ZNF680: variants seen among roughly 807,000 people sequenced by gnomAD.
ZNF680 encodes the protein hypothetical protein FLJ90430.
In ZNF680, 6 loss-of-function variants were observed where a neutral mutation model predicts 12.1. The ratio of observed to expected loss-of-function variants is 0.49; its 90% CI spans 0.27 to 0.98. ZNF680 has a LOEUF of 0.98. ZNF680 is among the 50% of genes least tolerant of loss of function. ZNF680 has a pLI of 0.12. For missense variants in ZNF680, 561 were observed against 616.3 expected (o/e 0.91, Z 0.95); for synonymous variants, 170 against 199.3 (o/e 0.85, Z 1.24).
At chr7:64,525,352 T>C (rs533768811) in intron 3 of ZNF680, 2 of 151,742 alleles carry the variant, frequency 1.3e-5, no homozygotes, top group Non-Finnish European at 2.9e-5. Context: ...GTAGATATAA[T>C]CTAAAATACA....
the ZNF680 span, among the ~76,000 whole-genome samples, chr7:64,507,357 G>A: frequency 6.6e-5 from 10 of 152,226 alleles, no homozygotes; most frequent in Admixed American, 6.5e-4. Flanking sequence ...TAGGTTTTGA[G>A]ATCTATTGCA....
chr7:64,501,453 G>A, the ZNF680 span: 2 of 921,736 alleles, frequency 2.2e-6, no homozygotes, highest in Non-Finnish European at 1.8e-6. Context: ...ATTCACCCCT[G>A]GAAAACCTGG....
intron 1 of ZNF680, among the ~76,000 whole-genome samples, chr7:64,560,146 C>G (rs12534080): frequency 0.027 from 3,815 of 143,488 alleles, 99 homozygotes; most frequent in Middle Eastern, 0.064. Context: ...TGAAGTTTCA[C>G]TCTTTCGCCC....
At chr7:64,518,354 T>C (rs532419276), downstream of ZNF680, among the ~76,000 whole-genome samples, 4 of 151,802 alleles carry the variant, frequency 2.6e-5, no homozygotes, top group South Asian at 2.1e-4. Flanking sequence ...CTTAAAAATA[T>C]ACCTAAACAA....
intron 3 of ZNF680, among the ~76,000 whole-genome samples, chr7:64,533,394 C>A (rs1785989797): frequency 6.6e-6 from 1 of 152,076 alleles, no homozygotes; most frequent in South Asian, 2.1e-4. Context: ...AGAATCAAAT[C>A]AAGAACTCAA....
chr7:64,538,197 G>A (rs935255173), intron 3 of ZNF680, among the ~76,000 whole-genome samples: 6 of 152,052 alleles, frequency 3.9e-5, no homozygotes, highest in African/African-American at 1.4e-4. Flanking sequence ...AAAAAAACAT[G>A]ACATTGGTAT....
chr7:64,559,977 A>G (rs562618019), intron 1 of ZNF680, among the ~76,000 whole-genome samples: 3 of 152,308 alleles, frequency 2.0e-5, no homozygotes, highest in African/African-American at 4.8e-5. Context: ...AGAAATCAAG[A>G]TAACAGGGTA....
At chr7:64,507,862 CACACACACACACACACAT>C in the ZNF680 span, among the ~76,000 whole-genome samples, 4 of 72,402 alleles carry the variant, frequency 5.5e-5, no homozygotes, top group African/African-American at 1.1e-4. Context: ...CACACACACA[CACACACACACACACACAT>C]TTTTTTATTT....
the ZNF680 span, among the ~76,000 whole-genome samples, chr7:64,507,806 C>A: frequency 1.4e-5 from 2 of 144,686 alleles, no homozygotes; most frequent in African/African-American, 2.6e-5. Context: ...GTGTTTTTTT[C>A]ATCTTAAAAT....
the ZNF680 span, among the ~76,000 whole-genome samples, chr7:64,512,804 A>C: frequency 6.6e-6 from 1 of 152,038 alleles, no homozygotes; most frequent in African/African-American, 2.4e-5. Flanking sequence ...TGTGTGTGTA[A>C]TGTCTATTTA....
chr7:64,526,559 T>A (rs1791856493), intron 3 of ZNF680: 1 of 438,142 alleles, frequency 2.3e-6, no homozygotes, highest in South Asian at 5.7e-5. Context: ...AGTCCATTAT[T>A]TAAAAAAAAA....
At chr7:64,540,064 T>C (rs1015915747) in intron 3 of ZNF680, among the ~76,000 whole-genome samples, 47 of 152,296 alleles carry the variant, frequency 3.1e-4, no homozygotes, top group African/African-American at 1.1e-3. Context: ...TTTCAAAAAT[T>C]ATCTTCAAAT....
intron 3 of ZNF680, among the ~76,000 whole-genome samples, chr7:64,540,593 G>C (rs1352424911): frequency 3.9e-5 from 6 of 152,134 alleles, no homozygotes; most frequent in Non-Finnish European, 1.5e-5. Context: ...ATGAGCCACT[G>C]AGCCCGGCTG....
At chr7:64,515,800 C>T (rs573362135), downstream of ZNF680, among the ~76,000 whole-genome samples, 1 of 151,034 alleles carries the variant, frequency 6.6e-6, no homozygotes, top group African/African-American at 2.4e-5. Flanking sequence ...TGGGCATAAA[C>T]ACAGTGGGCT....
Position 64,520,902 on chromosome 7 carries a change from G to T in ZNF680, c.*259C>A. The T allele has an allele frequency of 2.8e-6, 1 of 363,132 alleles. No homozygotes were observed. 22.5% of individuals were successfully genotyped at this position (363,132 alleles called of 1,614,324 possible). On this transcript the variant is annotated 3_prime_UTR_variant, in exon 4 of 4. Coordinates refer to ENST00000309683, the MANE Select transcript of ZNF680 (RefSeq NM_178558.5). ...TTTAATAAGTATAAACTCTGGTGTT[G>T]AGTAAGATGTGAAAAGATATCAATG...
chr7:64,510,023 TAA>T, the ZNF680 span, among the ~76,000 whole-genome samples: 128 of 105,884 alleles, frequency 1.2e-3, 1 homozygote, highest in African/African-American at 3.0e-3. Flanking sequence ...CGTAAAACTC[TAA>T]AAAAAAAAAA....
the ZNF680 span, among the ~76,000 whole-genome samples, chr7:64,510,023 T>TA: frequency 0.38 from 40,262 of 105,764 alleles, 7,412 homozygotes; most frequent in East Asian, 0.47. Flanking sequence ...CGTAAAACTC[T>TA]AAAAAAAAAA....
At chr7:64,541,933 C>A (rs1786528307) in intron 3 of ZNF680, among the ~76,000 whole-genome samples, 1 of 152,194 alleles carries the variant, frequency 6.6e-6, no homozygotes, top group African/African-American at 2.4e-5. Context: ...AAGGAACCCA[C>A]ACAGTGACCT....
At chr7:64,530,618 TG>T (rs1785808584) in intron 3 of ZNF680, among the ~76,000 whole-genome samples, 1 of 152,060 alleles carries the variant, frequency 6.6e-6, no homozygotes, top group Non-Finnish European at 1.5e-5. Flanking sequence ...CCCAGCACTT[TG>T]GGAGGCTGAG....
Sources: gnomAD v4.1 joint callset for allele counts (sites outside exome capture counted in the v4.1 genomes callset) on GRCh38, gnomAD v4.1.1 for gene constraint, MANE v1.5 for transcripts, NCBI Gene and HGNC (gene_info 2026-07-23, HGNC 2026-07-21) for gene names.